The following FGF12 variants were observed in gnomAD, a reference collection of about 807,000 sequenced individuals.
The protein encoded by FGF12 is fibroblast growth factor 12B.
A neutral mutation model predicts 23.6 loss-of-function variants in FGF12; 14 were observed. The ratio of observed to expected loss-of-function variants is 0.59; its 90% CI spans 0.39 to 0.93. The LOEUF is 0.93. Ranked by LOEUF, FGF12 falls within the 40% of genes least tolerant of loss-of-function variation. The pLI is 0.00. For missense variants in FGF12, 175 were observed against 217.8 expected (o/e 0.80, Z 1.24); for synonymous variants, 62 against 77.3 (o/e 0.80, Z 1.04).
chr3:192,669,629 AAAAAT>A (rs1717035991), intron 2 of FGF12, among the ~76,000 whole-genome samples: 1 of 149,192 alleles, frequency 6.7e-6, no homozygotes, highest in African/African-American at 2.5e-5. Flanking sequence ...AAAAAAAAAA[AAAAAT>A]TGGTGTGATC....
intron 2 of FGF12, among the ~76,000 whole-genome samples, chr3:192,502,862 G>A (rs1013257): frequency 2.6e-4 from 40 of 152,284 alleles, no homozygotes; most frequent in African/African-American, 9.6e-4. Flanking sequence ...GGCTCTTCTA[G>A]GGAAGCACAT....
intron 4 of FGF12, among the ~76,000 whole-genome samples, chr3:192,293,725 C>T (rs1313031516): frequency 1.3e-5 from 2 of 152,136 alleles, no homozygotes; most frequent in Admixed American, 6.6e-5. Flanking sequence ...TCAACATTTG[C>T]CTGCCTTTTC....
At chr3:192,621,690 CAAAAAAAA>C (rs5855441) in intron 2 of FGF12, among the ~76,000 whole-genome samples, 1 of 94,386 alleles carries the variant, frequency 1.1e-5, no homozygotes, top group South Asian at 4.9e-4. Context: ...GATACAAATA[CAAAAAAAA>C]AAAAAAAAAA....
intron 4 of FGF12, among the ~76,000 whole-genome samples, chr3:192,270,672 C>CAAAGGTAA (rs1713374649): frequency 6.6e-6 from 1 of 152,010 alleles, no homozygotes; most frequent in Non-Finnish European, 1.5e-5. Flanking sequence ...AATATGTTTC[C>CAAAGGTAA]ACACTTACAT....
At chr3:192,349,879 T>C (rs1237101517) in intron 3 of FGF12, among the ~76,000 whole-genome samples, 1 of 152,140 alleles carries the variant, frequency 6.6e-6, no homozygotes, top group Non-Finnish European at 1.5e-5. Context: ...GAATTCACTT[T>C]CATTCATTTA....
At chr3:192,216,716 T>C (rs1000173198) in intron 4 of FGF12, among the ~76,000 whole-genome samples, 1 of 152,196 alleles carries the variant, frequency 6.6e-6, no homozygotes, top group Non-Finnish European at 1.5e-5. Context: ...TCAAGTTTAA[T>C]TCACAAAATT....
intron 2 of FGF12, among the ~76,000 whole-genome samples, chr3:192,441,411 T>C (rs185407961): frequency 7.2e-5 from 11 of 152,328 alleles, no homozygotes; most frequent in Admixed American, 5.9e-4. Flanking sequence ...CCACTGACTC[T>C]CTGATCTGGG....
At chr3:192,567,623 A>G (rs1281093193) in intron 2 of FGF12, among the ~76,000 whole-genome samples, 1 of 152,156 alleles carries the variant, frequency 6.6e-6, no homozygotes, top group East Asian at 1.9e-4. Context: ...CAAAAGCTCT[A>G]GGTGAGAATC....
At position 192,514,207 on chromosome 3, in the gene FGF12, C is replaced by T. The variant is rs578246044; in HGVS notation, c.14-153669G>A. Among the ~76,000 whole-genome samples, 21 of 152,330 alleles carry T rather than the reference C, an allele frequency of 1.4e-4. No homozygotes were observed. The highest frequency in any genetic ancestry group is 4.8e-4 in the African/African-American group (20 of 41,564). On this transcript the variant is annotated intron_variant, in intron 2 of 5. Transcript: ENST00000445105. This position sits in a 1 kb window ranked among gnomAD's most constrained non-coding sequence, Gnocchi z 4.9. Reference sequence around the variant, plus strand: ...ACCCCTAACCACCGCCAGATGTCTACTTTTCAGACAAAGCAAGAAAAAGAA... The same window carrying T: ...ACCCCTAACCACCGCCAGATGTCTATTTTTCAGACAAAGCAAGAAAAAGAA...
intron 2 of FGF12, among the ~76,000 whole-genome samples, chr3:192,424,973 T>G (rs1247040723): frequency 6.6e-6 from 1 of 152,214 alleles, no homozygotes; most frequent in Admixed American, 6.5e-5. Flanking sequence ...TTGTCATGCA[T>G]ACACATATTT....
chr3:192,489,052 C>G (rs1723721860), intron 2 of FGF12, among the ~76,000 whole-genome samples: 1 of 152,046 alleles, frequency 6.6e-6, no homozygotes, highest in African/African-American at 2.4e-5. Context: ...ATTGCAGCAT[C>G]TCACAATGCT....
rs748176354 is a variant in FGF12, at chr3:192,360,574, G to C, written c.14-36C>G. 2.1e-6 allele frequency: 3 copies of C among 1,454,832 alleles called. No individual in the cohort carries two copies. Among genetic ancestry groups the C allele is most frequent in the Non-Finnish European group, 2.9e-6 (3 of 1,035,076 alleles). 90.1% of individuals were successfully genotyped at this position (1,454,832 alleles called of 1,614,324 possible). ...AAATAATTATTCAAATTTTTATTTG[G>C]CTTACACAAATGCACACTTACAGAT... On this transcript the variant is annotated intron_variant, in intron 2 of 5. Transcript: ENST00000445105. This position sits in a 1 kb window ranked among gnomAD's most constrained non-coding sequence, Gnocchi z 4.3.
chr3:192,567,056 C>A (rs900399208), intron 2 of FGF12, among the ~76,000 whole-genome samples: 1 of 152,190 alleles, frequency 6.6e-6, no homozygotes, highest in African/African-American at 2.4e-5. Context: ...GATACTTTCT[C>A]TCGTCTACTT....
chr3:192,158,332 C>CTTTCTTTCTTTCTTTCTTTCTT (rs1459698854), intron 5 of FGF12, among the ~76,000 whole-genome samples: 73 of 112,432 alleles, frequency 6.5e-4, no homozygotes, highest in East Asian at 2.5e-3. Flanking sequence ...TTCTTTCTTT[C>CTTTCTTTCTTTCTTTCTTTCTT]TCTTTCTTTC....
In FGF12 at chr3:192,170,293, A is replaced by G. The variant is rs10707528; in HGVS notation, c.427+165T>C. Among the ~76,000 whole-genome samples, 6,081 of 151,352 alleles carry G rather than the reference A, an allele frequency of 0.04. 205 individuals are homozygous for G. The highest frequency in any genetic ancestry group is 0.056 in the South Asian group (268 of 4,762). ...AGACTCTGCCTCAAAAGAAAAAAAA[A>G]AAAAAAAAGGAAGAGATACTATTGT... On this transcript the variant is annotated intron_variant, in intron 5 of 5. Coordinates refer to ENST00000445105, the MANE Select transcript of FGF12 (RefSeq NM_004113.6).
At chr3:192,300,626 AT>A (rs1273351746) in intron 4 of FGF12, among the ~76,000 whole-genome samples, 14 of 151,666 alleles carry the variant, frequency 9.2e-5, no homozygotes, top group East Asian at 1.9e-4. Context: ...AATGTTATGT[AT>A]TTTTTTATAT....
intron 2 of FGF12, among the ~76,000 whole-genome samples, chr3:192,495,068 C>T (rs1039458414): frequency 6.6e-6 from 1 of 152,076 alleles, no homozygotes; most frequent in Non-Finnish European, 1.5e-5. Context: ...CCCATCTTGG[C>T]CAGGCTGGTC....
intron 2 of FGF12, among the ~76,000 whole-genome samples, chr3:192,474,635 C>G (rs1360133479): frequency 6.6e-6 from 1 of 152,230 alleles, no homozygotes; most frequent in African/African-American, 2.4e-5. Flanking sequence ...CCTGTAATCT[C>G]AACACTTTGG....
intron 4 of FGF12, among the ~76,000 whole-genome samples, chr3:192,182,998 C>T (rs1716263635): frequency 6.6e-6 from 1 of 152,202 alleles, no homozygotes; most frequent in Non-Finnish European, 1.5e-5. Context: ...ATACATTCAT[C>T]TAAACATAGA....
Sources: gnomAD v4.1 joint callset for allele counts (sites outside exome capture counted in the v4.1 genomes callset) on GRCh38, gnomAD v4.1.1 for gene constraint, Gnocchi (gnomAD v3.1) non-coding constraint, MANE v1.5 for transcripts, NCBI Gene and HGNC (gene_info 2026-07-23, HGNC 2026-07-21) for gene names.